The following ESRRG variants were observed in gnomAD, a reference collection of about 807,000 sequenced individuals.
ESRRG encodes the protein estrogen related receptor gamma.
ESRRG carries 13 observed loss-of-function variants against 44.0 expected under a neutral mutation model. The ratio of observed to expected loss-of-function variants is 0.30; its 90% CI spans 0.19 to 0.47. The LOEUF is 0.47. Among genes scored for constraint, ESRRG ranks in the 20% least tolerant of loss-of-function variants. The probability of loss-of-function intolerance (pLI) is 1.00; values close to 1 mark genes in which losing one functional copy is unlikely to be tolerated. For missense variants in ESRRG, 395 were observed against 580.6 expected (o/e 0.68, Z 3.29); for synonymous variants, 215 against 214.6 (o/e 1.00, Z -0.02).
intron 1 of ESRRG, among the ~76,000 whole-genome samples, chr1:217,115,257 C>T (rs1318723244): frequency 1.3e-5 from 2 of 152,180 alleles, no homozygotes; most frequent in East Asian, 1.9e-4. Context: ...TATCTTTCTT[C>T]TTTGGATCTT....
chr1:216,730,376 G>GA (rs2088528103), intron 2 of ESRRG, among the ~76,000 whole-genome samples: 1 of 151,660 alleles, frequency 6.6e-6, no homozygotes, highest in Admixed American at 6.6e-5. Flanking sequence ...AAAGAATTGG[G>GA]AATGTACTGG....
chr1:216,510,671 G>A (rs575104182), intron 6 of ESRRG, among the ~76,000 whole-genome samples: 1 of 152,240 alleles, frequency 6.6e-6, no homozygotes, highest in Non-Finnish European at 1.5e-5. Flanking sequence ...AGATCACGAG[G>A]TCAGGAGATC....
chr1:216,784,612 C>G (rs2094056856), intron 2 of ESRRG, among the ~76,000 whole-genome samples: 1 of 152,010 alleles, frequency 6.6e-6, no homozygotes, highest in Non-Finnish European at 1.5e-5. Flanking sequence ...GTTTCATTTA[C>G]TTATCTTCAT....
intron 2 of ESRRG, among the ~76,000 whole-genome samples, chr1:216,815,783 T>TA (rs1288283396): frequency 6.6e-6 from 1 of 152,220 alleles, no homozygotes; most frequent in Non-Finnish European, 1.5e-5. Context: ...GCTCCCTGGC[T>TA]AATTTTTGTA....
At chr1:217,050,169 T>C (rs2085648622) in intron 1 of ESRRG, among the ~76,000 whole-genome samples, 1 of 152,186 alleles carries the variant, frequency 6.6e-6, no homozygotes, top group Non-Finnish European at 1.5e-5. Flanking sequence ...AAGGATCATC[T>C]ACAGTGATGT....
chr1:216,985,695 T>C (rs1373001137), intron 1 of ESRRG: 1 of 152,102 alleles, frequency 6.6e-6, no homozygotes, highest in African/African-American at 2.4e-5. Context: ...TCATTTATGG[T>C]GGGGGACAGT....
At chr1:216,923,444 C>T (rs1285851955) in intron 2 of ESRRG, among the ~76,000 whole-genome samples, 2 of 151,988 alleles carry the variant, frequency 1.3e-5, no homozygotes, top group East Asian at 1.9e-4. Context: ...TACCAAAAAT[C>T]GGGACTTTTC....
chr1:216,936,021 T>C (rs2064094530), intron 2 of ESRRG, among the ~76,000 whole-genome samples: 1 of 152,062 alleles, frequency 6.6e-6, no homozygotes, highest in Non-Finnish European at 1.5e-5. Flanking sequence ...TGGTTGAAAG[T>C]TCCAAGCTTG....
At chr1:216,706,070 A>G (rs2082382892) in intron 1 of ESRRG, among the ~76,000 whole-genome samples, 1 of 152,190 alleles carries the variant, frequency 6.6e-6, no homozygotes, top group African/African-American at 2.4e-5. Context: ...CACCCCCAGC[A>G]ACCCCTGATG....
intron 2 of ESRRG, among the ~76,000 whole-genome samples, chr1:216,873,213 T>TTTTTTG (rs2096283451): frequency 6.9e-6 from 1 of 144,406 alleles, no homozygotes; most frequent in Admixed American, 6.9e-5. Flanking sequence ...TTTTCAGTTT[T>TTTTTTG]TTTTTTTTTT....
In ESRRG at chr1:216,506,026, A is replaced by G. The variant is rs1141263; in HGVS notation, c.*913T>C. ...CTTATTTCTCTTTAGTATTGCATGAATGAATAAAGCTTAAACTATTCCCTG... is the reference window on the plus strand; with the variant it reads ...CTTATTTCTCTTTAGTATTGCATGAGTGAATAAAGCTTAAACTATTCCCTG... On this transcript the variant is annotated 3_prime_UTR_variant, in exon 7 of 7. Coordinates refer to ENST00000408911, the MANE Select transcript of ESRRG (RefSeq NM_001438.4). The G allele has an allele frequency of 6.6e-6, 1 of 152,662 alleles. No homozygotes were observed. Among genetic ancestry groups the G allele is most frequent in the Non-Finnish European group, 1.5e-5 (1 of 68,050 alleles). 9.5% of individuals were successfully genotyped at this position (152,662 alleles called of 1,614,324 possible). A position where few individuals can be genotyped will look rare whatever the true frequency, so the allele number is the denominator to read the frequency against.
At chr1:216,833,861 T>G (rs936266123) in intron 2 of ESRRG, among the ~76,000 whole-genome samples, 2 of 152,184 alleles carry the variant, frequency 1.3e-5, no homozygotes, top group African/African-American at 4.8e-5. Flanking sequence ...ATAGCACATA[T>G]GTTGAGGCTG....
chr1:216,641,056 T>C (rs2066321321), intron 3 of ESRRG, among the ~76,000 whole-genome samples: 1 of 152,168 alleles, frequency 6.6e-6, no homozygotes, highest in South Asian at 2.1e-4. Flanking sequence ...CTAATTCAAG[T>C]TCACAAATGG....
chr1:216,763,088 G>C (rs1330950700), intron 2 of ESRRG, among the ~76,000 whole-genome samples: 1 of 152,086 alleles, frequency 6.6e-6, no homozygotes, highest in Non-Finnish European at 1.5e-5. Context: ...AGGCAAGAAG[G>C]GGAGACAATT....
intron 6 of ESRRG, among the ~76,000 whole-genome samples, chr1:216,512,672 C>G (rs2043064318): frequency 6.6e-6 from 1 of 151,814 alleles, no homozygotes; most frequent in Non-Finnish European, 1.5e-5. Context: ...CTTGACCTTG[C>G]TTATGTACTT....
chr1:217,025,842 G>C (rs2081098620), intron 1 of ESRRG, among the ~76,000 whole-genome samples: 4 of 152,104 alleles, frequency 2.6e-5, no homozygotes, highest in African/African-American at 9.7e-5. Context: ...CTAACATATG[G>C]TTATATAGTT....
chr1:216,699,723 G>GC (rs1376696111), intron 1 of ESRRG, among the ~76,000 whole-genome samples: 7 of 152,156 alleles, frequency 4.6e-5, no homozygotes, highest in Non-Finnish European at 7.4e-5. Flanking sequence ...AGTTCAAACT[G>GC]CAACAAAAGC....
chr1:216,938,585 C>A (rs1350087728), intron 2 of ESRRG, among the ~76,000 whole-genome samples: 1 of 152,192 alleles, frequency 6.6e-6, no homozygotes, highest in Non-Finnish European at 1.5e-5. Flanking sequence ...TTCTAAAGTG[C>A]CATTTTCCAC....
chr1:217,114,276 G>A (rs1177850448), intron 1 of ESRRG, among the ~76,000 whole-genome samples: 2 of 151,872 alleles, frequency 1.3e-5, no homozygotes, highest in Admixed American at 1.3e-4. Flanking sequence ...CACTTTCTGA[G>A]TTATGTTATC....
Sources: gnomAD v4.1 joint callset for allele counts (sites outside exome capture counted in the v4.1 genomes callset) on GRCh38, gnomAD v4.1.1 for gene constraint, MANE v1.5 for transcripts, NCBI Gene and HGNC (gene_info 2026-07-23, HGNC 2026-07-21) for gene names.